PARD3B: variants seen among roughly 807,000 people sequenced by gnomAD.
PARD3B encodes the protein par-3 family cell polarity regulator beta.
A neutral mutation model predicts 130.2 loss-of-function variants in PARD3B; 103 were observed. The ratio of observed to expected loss-of-function variants is 0.79; its 90% CI spans 0.67 to 0.93. PARD3B has a LOEUF of 0.93. Among genes scored for constraint, PARD3B ranks in the 40% least tolerant of loss-of-function variants. The pLI is 0.00. For missense variants in PARD3B, 1,609 were observed against 1,499.2 expected (o/e 1.07, Z -1.21); for synonymous variants, 583 against 553.2 (o/e 1.05, Z -0.76).
At chr2:204,860,910 C>A (rs1424347845) in intron 2 of PARD3B, among the ~76,000 whole-genome samples, 1 of 152,048 alleles carries the variant, frequency 6.6e-6, no homozygotes, top group Non-Finnish European at 1.5e-5. Context: ...TAGCATTGGG[C>A]TAAAATAATG....
At chr2:205,212,640 T>G (rs1181761518) in intron 15 of PARD3B, among the ~76,000 whole-genome samples, 1 of 152,054 alleles carries the variant, frequency 6.6e-6, no homozygotes, top group Non-Finnish European at 1.5e-5. Context: ...GCAGCAAGAA[T>G]GAACAGGGCT....
intron 18 of PARD3B, among the ~76,000 whole-genome samples, chr2:205,386,261 A>G (rs1368182260): frequency 6.6e-6 from 1 of 152,146 alleles, no homozygotes; most frequent in Non-Finnish European, 1.5e-5. Context: ...CCTTTTGACC[A>G]CTGGCATGTA....
At chr2:204,970,339 A>G (rs996183024) in intron 3 of PARD3B, among the ~76,000 whole-genome samples, 1 of 152,186 alleles carries the variant, frequency 6.6e-6, no homozygotes, top group African/African-American at 2.4e-5. Flanking sequence ...ATCAGAACCA[A>G]CTTTTTCCAA....
intron 3 of PARD3B, among the ~76,000 whole-genome samples, chr2:205,003,477 C>T (rs899096021): frequency 6.6e-6 from 1 of 152,014 alleles, no homozygotes; most frequent in Non-Finnish European, 1.5e-5. Context: ...GTAGGGCTTC[C>T]CCCTGATGGT....
intron 3 of PARD3B, among the ~76,000 whole-genome samples, chr2:205,026,142 G>A (rs1386796462): frequency 1.3e-5 from 2 of 152,140 alleles, no homozygotes; most frequent in African/African-American, 4.8e-5. Context: ...TGAAGAAAAT[G>A]AAACAGGATA....
At chr2:205,316,884 A>G (rs527605981) in intron 18 of PARD3B, among the ~76,000 whole-genome samples, 1 of 152,342 alleles carries the variant, frequency 6.6e-6, no homozygotes, top group South Asian at 2.1e-4. Context: ...TGTGATAAAT[A>G]TGAAACTAAT....
rs868202642 is a variant in PARD3B, at chr2:205,473,688, A to G, written c.3045-26208A>G. Among the ~76,000 whole-genome samples the G allele has an allele frequency of 0.13, 16,713 of 130,784 alleles. 1,687 individuals are homozygous for G. The highest frequency in any genetic ancestry group is 0.33 in the African/African-American group (10,417 of 31,266). The allele number at this position is 130,784 out of a possible 152,430, so 85.8% of individuals were successfully genotyped here. A position where few individuals can be genotyped will look rare whatever the true frequency, so the allele number is the denominator to read the frequency against. ...TGTGTGTGTGTGTGTGTGTATGTAT[A>G]TATATATATATATATATATATACAC... is the stretch of plus-strand genomic sequence containing the variant. On this transcript the variant is annotated intron_variant, in intron 20 of 22. Transcript: ENST00000406610. This position sits in a 1 kb window ranked among gnomAD's most constrained non-coding sequence, Gnocchi z 4.9.
At chr2:205,380,125 T>TATATATATTATATAAAGA (rs1295612527) in intron 18 of PARD3B, among the ~76,000 whole-genome samples, 36,613 of 96,502 alleles carry the variant, frequency 0.38, 12,813 homozygotes, top group South Asian at 0.59. Context: ...CATAATATAT[T>TATATATATTATATAAAGA]ATATATATTA....
At chr2:205,500,088 C>T (rs949455893) in intron 21 of PARD3B, 57 bp downstream of exon 21, 8 of 1,575,148 alleles carry the variant, frequency 5.1e-6, no homozygotes, top group Non-Finnish European at 7.0e-6. Context: ...ATGTTTAGAG[C>T]AGAAGAACAC....
intron 18 of PARD3B, among the ~76,000 whole-genome samples, chr2:205,392,981 CTAAT>C (rs2105983781): frequency 6.6e-6 from 1 of 152,306 alleles, no homozygotes; most frequent in South Asian, 2.1e-4. Context: ...GATGGGAACT[CTAAT>C]TGGTCAATTT....
At chr2:205,049,127 A>T (rs997143032) in intron 4 of PARD3B, among the ~76,000 whole-genome samples, 2 of 152,132 alleles carry the variant, frequency 1.3e-5, no homozygotes, top group South Asian at 2.1e-4. Context: ...AGTGTGTCTG[A>T]TTAATGTGTT....
intron 11 of PARD3B, among the ~76,000 whole-genome samples, chr2:205,168,480 A>T (rs547195457): frequency 6.6e-6 from 1 of 152,324 alleles, no homozygotes; most frequent in East Asian, 1.9e-4. Flanking sequence ...TAATTTTAAA[A>T]ACCATAAAAA....
At chr2:205,337,537 T>C (rs2043357217) in intron 18 of PARD3B, among the ~76,000 whole-genome samples, 1 of 152,202 alleles carries the variant, frequency 6.6e-6, no homozygotes, top group Non-Finnish European at 1.5e-5. Context: ...TACCCTATGC[T>C]CTTTGACTTT....
chr2:204,742,013 C>G (rs2040030618), intron 2 of PARD3B, among the ~76,000 whole-genome samples: 1 of 152,088 alleles, frequency 6.6e-6, no homozygotes, highest in Admixed American at 6.6e-5. Flanking sequence ...TTACACTTCA[C>G]CCAGGATCTA....
chr2:204,663,443 C>A (rs1310921608), intron 1 of PARD3B, among the ~76,000 whole-genome samples: 1 of 152,228 alleles, frequency 6.6e-6, no homozygotes, highest in Non-Finnish European at 1.5e-5. Context: ...CAAAACACTT[C>A]TGGAACCTAA....
At position 205,405,765 on chromosome 2, in the gene PARD3B, A is replaced by G. The variant is rs1332838691; in HGVS notation, c.2741+4642A>G. ...ACAATGGACTGAATTAAACGTAAAG[A>G]AAGTTAATGGAAATAAATGTAAAGT... is the stretch of plus-strand genomic sequence containing the variant. On this transcript the variant is annotated intron_variant, in intron 19 of 22. Transcript: ENST00000406610. The surrounding 1 kb of genome is among the most constrained non-coding windows in gnomAD (Gnocchi z 4.1). Among the ~76,000 whole-genome samples, 6 of 152,244 alleles carry G rather than the reference A, an allele frequency of 3.9e-5. No homozygotes were observed. The highest frequency in any genetic ancestry group is 1.4e-4 in the African/African-American group (6 of 41,472).
chr2:205,336,842 T>G (rs1053575392), intron 18 of PARD3B, among the ~76,000 whole-genome samples: 2 of 152,192 alleles, frequency 1.3e-5, no homozygotes, highest in Non-Finnish European at 2.9e-5. Context: ...GTTGCAAATG[T>G]AGGCCTAGGT....
Position 204,686,218 on chromosome 2 carries a change from A to T in PARD3B, c.158A>T (p.Tyr53Phe), listed in dbSNP as rs1346000845. The change falls in exon 2 of 23, where the codon TAT (tyrosine) becomes TTT (phenylalanine). Residue 53 changes from tyrosine to phenylalanine, a missense_variant. Transcript: ENST00000406610. ...TGGGTGAAGATTCATCACTTAGAAT[A>T]TACAGATGGAGGAATCCTGGATCCA... Reference protein sequence around the residue: ...GYWVKIHHLEYTDGGILDPDD... With the variant: ...GYWVKIHHLEFTDGGILDPDD... The T allele has an allele frequency of 1.9e-6, 3 of 1,612,716 alleles. No individual in the cohort carries two copies. In the Admixed American group the frequency reaches 5.0e-5, roughly 27 times the overall value.
chr2:204,611,865 A>G (rs2033941307), intron 1 of PARD3B, among the ~76,000 whole-genome samples: 1 of 152,080 alleles, frequency 6.6e-6, no homozygotes, highest in African/African-American at 2.4e-5. Context: ...TATATGTGCA[A>G]GCTTGCAGGA....
Sources: gnomAD v4.1 joint callset for allele counts (sites outside exome capture counted in the v4.1 genomes callset) on GRCh38, gnomAD v4.1.1 for gene constraint, Gnocchi (gnomAD v3.1) non-coding constraint, MANE v1.5 for transcripts, NCBI Gene and HGNC (gene_info 2026-07-23, HGNC 2026-07-21) for gene names.